PRC1: variants seen among roughly 807,000 people sequenced by gnomAD.
PRC1 encodes the protein anaphase spindle elongation 1 homolog.
PRC1 carries 54 observed loss-of-function variants against 91.2 expected under a neutral mutation model. The ratio of observed to expected loss-of-function variants is 0.59; its 90% CI spans 0.48 to 0.74. The LOEUF (loss-of-function observed/expected upper bound fraction) is 0.74, where lower values mean the gene tolerates loss of function less well. Among genes scored for constraint, PRC1 ranks in the 30% least tolerant of loss-of-function variants. The pLI, the probability that PRC1 is intolerant of heterozygous loss-of-function variation, is 0.00. For missense variants in PRC1, 727 were observed against 746.2 expected, an observed-to-expected ratio of 0.97 and a Z score of 0.30; for synonymous variants, 275 against 263.6, an observed-to-expected ratio of 1.04 and a Z score of -0.42.
At chr15:90,967,507 C>A in intron 14 of PRC1, 1 of 316,712 alleles carries the variant, frequency 3.2e-6, no homozygotes, top group Non-Finnish European at 5.9e-6. Flanking sequence ...TTTCAGTTAA[C>A]GACAGGCCAC....
At chr15:90,983,934 T>C in intron 3 of PRC1, 84 bp downstream of exon 3, 1 of 1,531,320 alleles carries the variant, frequency 6.5e-7, no homozygotes. Flanking sequence ...GAGGAAGCCT[T>C]CCATCTGCAG....
intron 8 of PRC1, among the ~76,000 whole-genome samples, chr15:90,977,004 C>T (rs1475762687): frequency 1.3e-5 from 2 of 151,868 alleles, no homozygotes; most frequent in African/African-American, 2.4e-5. Context: ...ACGGTGCGCA[C>T]GTGCAGTCCC....
intron 11 of PRC1, 122 bp from the exon 12 acceptor site, chr15:90,970,636 G>A: frequency 1.4e-6 from 1 of 690,650 alleles, no homozygotes; most frequent in South Asian, 1.7e-5. Flanking sequence ...GGGTTTACAT[G>A]GTGAAGGGCC....
At position 90,969,872 on chromosome 15, in the gene PRC1, G is replaced by A. The variant is rs955536919; in HGVS notation, c.1573-249C>T. Among the ~76,000 whole-genome samples, 5 of 150,446 alleles carry A rather than the reference G, an allele frequency of 3.3e-5. No individual in the cohort carries two copies. In the South Asian group the frequency reaches 6.3e-4, roughly 19 times the overall value. On this transcript the variant is annotated intron_variant, in intron 12 of 14. Transcript: ENST00000394249. ...CCAAGGCAGGAGGATTGCTTGAGGC[G>A]ACATGTTCGAGACCAGCCTGGGCAA...
chr15:90,971,586 CTTTTTT>C (rs34967462), intron 11 of PRC1, among the ~76,000 whole-genome samples: 2 of 144,120 alleles, frequency 1.4e-5, no homozygotes, highest in African/African-American at 2.5e-5. Flanking sequence ...CCAGCCAACA[CTTTTTT>C]TTTTTTTTTT....
intron 14 of PRC1, chr15:90,968,779 C>A: frequency 8.3e-7 from 1 of 1,204,170 alleles, no homozygotes; most frequent in South Asian, 1.9e-5. Context: ...TCTATTCTTT[C>A]CAGCTATTGC....
chr15:90,993,211 C>CTTTTT (rs10679998), intron 1 of PRC1, among the ~76,000 whole-genome samples: 6 of 123,064 alleles, frequency 4.9e-5, no homozygotes, highest in Admixed American at 1.7e-4. Context: ...TGTTAATGGA[C>CTTTTT]TTTTTTTTTT....
At chr15:90,970,129 A>AT (rs759627045) in intron 12 of PRC1, among the ~76,000 whole-genome samples, 4 of 152,104 alleles carry the variant, frequency 2.6e-5, no homozygotes, top group Non-Finnish European at 4.4e-5. Flanking sequence ...TGGGCTTGGA[A>AT]TTGAGTCTAC....
chr15:90,994,392 C>T lies in PRC1; in HGVS notation c.11+15G>A, dbSNP rs1268127953. 2 of 1,612,214 alleles carry T rather than the reference C, an allele frequency of 1.2e-6. No homozygotes were observed. The highest frequency in any genetic ancestry group is 1.1e-5 in the South Asian group (1 of 90,762). Reference sequence around the variant, plus strand: ...GCTCCCTCCCGCGTCCCCTCGATTTCCCCGCAACCCGCACCTTCTCCTCAT... The same window carrying T: ...GCTCCCTCCCGCGTCCCCTCGATTTTCCCGCAACCCGCACCTTCTCCTCAT... On this transcript the variant is annotated intron_variant, in intron 1 of 14. Coordinates refer to ENST00000394249, the MANE Select transcript of PRC1 (RefSeq NM_003981.4).
chr15:90,975,706 C>T (rs2038619844), intron 9 of PRC1, among the ~76,000 whole-genome samples: 2 of 152,032 alleles, frequency 1.3e-5, no homozygotes, highest in African/African-American at 2.4e-5. Flanking sequence ...GAATTAAGGC[C>T]AGGTATGGTG....
At chr15:90,992,453 T>C (rs1049845215) in intron 1 of PRC1, among the ~76,000 whole-genome samples, 2 of 152,196 alleles carry the variant, frequency 1.3e-5, no homozygotes, top group African/African-American at 4.8e-5. Context: ...AGGGTCTTGC[T>C]ATGTTGCCCA....
At chr15:90,975,508 G>A (rs1235459985) in intron 9 of PRC1, among the ~76,000 whole-genome samples, 1 of 151,996 alleles carries the variant, frequency 6.6e-6, no homozygotes, top group Non-Finnish European at 1.5e-5. Context: ...TGATATCCCT[G>A]ACTTAACTCA....
chr15:90,989,714 G>A (rs919527617), intron 1 of PRC1, among the ~76,000 whole-genome samples: 4 of 151,768 alleles, frequency 2.6e-5, no homozygotes, highest in Non-Finnish European at 1.5e-5. Flanking sequence ...TTATGAATGG[G>A]TAAATAAAAT....
rs2039427048 is a variant in PRC1 at position 90,984,316 on chromosome 15, C to T, written c.145-176G>A. Among the ~76,000 whole-genome samples, 2 of 152,172 alleles carry T rather than the reference C, an allele frequency of 1.3e-5. No individual in the cohort carries two copies. The highest frequency in any genetic ancestry group is 1.3e-4 in the Admixed American group (2 of 15,282). ...TGCTTTCGGCTCACTGCAACCTCTA[C>T]CTTCCGGGTTCAATAGATTCTCCTG... On this transcript the variant is annotated intron_variant, in intron 2 of 14. Transcript: ENST00000394249. The surrounding 1 kb of genome is among the most constrained non-coding windows in gnomAD (Gnocchi z 5.1).
intron 7 of PRC1, among the ~76,000 whole-genome samples, chr15:90,979,663 C>A (rs2039025572): frequency 6.6e-6 from 1 of 152,138 alleles, no homozygotes. Flanking sequence ...GGGGTAGCTC[C>A]ATCTTTATAT....
Position 90,981,628 on chromosome 15 carries a change from G to T in PRC1, c.543C>A (p.Ile181=). 6.2e-7 allele frequency: 1 copy of T among 1,614,072 alleles called. No homozygotes were observed. Among genetic ancestry groups the T allele is most frequent in the South Asian group, 1.1e-5 (1 of 91,084 alleles). ...GGTCTAATGCTTCCATACACAGTAT[G>T]ATCTGTCTCTTTATACTGACAAACT... ...REEFVSIKRQ[I]ILCMEALDHT... The change falls in exon 5 of 15, where the codon ATC becomes ATA. Residue 181 remains isoleucine (I), a synonymous_variant. Coordinates refer to ENST00000394249, the MANE Select transcript of PRC1 (RefSeq NM_003981.4).
intron 11 of PRC1, among the ~76,000 whole-genome samples, chr15:90,971,690 G>A (rs531541023): frequency 2.6e-5 from 4 of 151,268 alleles, no homozygotes; most frequent in East Asian, 2.0e-4. Flanking sequence ...GAGAAACCCC[G>A]TCTCTACTAA....
rs865960834 is a variant in PRC1, at chr15:90,978,846, G to T, written c.1107+312C>A. ...AGATGAGGTCCACCCTTAGTGGTGG[G>T]GGAGCGCCCTGAGCCGGAGAAGCCT... is the stretch of plus-strand genomic sequence containing the variant. On this transcript the variant is annotated intron_variant, in intron 8 of 14. Coordinates refer to ENST00000394249, the MANE Select transcript of PRC1 (RefSeq NM_003981.4). 2.6e-5 allele frequency among the ~76,000 whole-genome samples: 4 copies of T among 151,854 alleles called. No individual in the cohort carries two copies. The South Asian group carries it at 6.2e-4, about 24-fold the overall frequency.
intron 7 of PRC1, 112 bp downstream of exon 7, chr15:90,980,130 G>A: frequency 7.4e-7 from 1 of 1,349,918 alleles, no homozygotes; most frequent in South Asian, 1.9e-5. Flanking sequence ...CCAACACTTT[G>A]GGAGGCCAAG....
Sources: gnomAD v4.1 joint callset for allele counts (sites outside exome capture counted in the v4.1 genomes callset) on GRCh38, gnomAD v4.1.1 for gene constraint, Gnocchi (gnomAD v3.1) non-coding constraint, MANE v1.5 for transcripts, NCBI Gene and HGNC (gene_info 2026-07-23, HGNC 2026-07-21) for gene names.